The following INPP4B variants were observed in gnomAD, a reference collection of about 807,000 sequenced individuals.
INPP4B encodes the protein inositol polyphosphate-4-phosphatase type II B, also known as inositol polyphosphate 4-phosphatase type II.
Under a neutral mutation model 122.5 loss-of-function variants are expected in INPP4B, and 55 were observed. The observed-to-expected ratio is 0.45, with a 90% CI of 0.36 to 0.56. The LOEUF is 0.56. Among genes scored for constraint, INPP4B ranks in the 20% least tolerant of loss-of-function variants. The pLI, the probability that INPP4B is intolerant of heterozygous loss-of-function variation, is 0.00. For synonymous variants in INPP4B, 403 were observed against 388.7 expected (o/e 1.04, Z -0.43); for missense variants, 1,000 against 1,097.7 (o/e 0.91, Z 1.26).
chr4:142,374,390 CA>C (rs1395784954), intron 7 of INPP4B, among the ~76,000 whole-genome samples: 1 of 151,810 alleles, frequency 6.6e-6, no homozygotes, highest in Non-Finnish European at 1.5e-5. Flanking sequence ...GATTTCTCAG[CA>C]AAGCTTACCC....
At chr4:142,471,723 T>G (rs1173177824) in intron 2 of INPP4B, among the ~76,000 whole-genome samples, 4 of 152,152 alleles carry the variant, frequency 2.6e-5, no homozygotes. Flanking sequence ...TTTGGAGCAG[T>G]GCTCGTGTGT....
intron 1 of INPP4B, among the ~76,000 whole-genome samples, chr4:142,768,627 A>G (rs1365100997): frequency 6.6e-6 from 1 of 152,216 alleles, no homozygotes; most frequent in Non-Finnish European, 1.5e-5. Context: ...ATTCATGTCA[A>G]GTGGTTAAAG....
At chr4:142,559,810 G>A (rs1385037910) in intron 2 of INPP4B, among the ~76,000 whole-genome samples, 1 of 152,058 alleles carries the variant, frequency 6.6e-6, no homozygotes, top group African/African-American at 2.4e-5. Flanking sequence ...ATAATAAGAA[G>A]AGAAAGCCAT....
chr4:142,530,783 A>C (rs1827515482), intron 2 of INPP4B, among the ~76,000 whole-genome samples: 4 of 152,068 alleles, frequency 2.6e-5, no homozygotes, highest in African/African-American at 9.7e-5. Context: ...CATTGAAAAC[A>C]GCAACTGAAG....
At chr4:142,709,057 A>C (rs1403472159) in intron 2 of INPP4B, among the ~76,000 whole-genome samples, 1 of 152,172 alleles carries the variant, frequency 6.6e-6, no homozygotes, top group Non-Finnish European at 1.5e-5. Flanking sequence ...CATGGAGTCA[A>C]ATGAGATTAT....
intron 12 of INPP4B, among the ~76,000 whole-genome samples, chr4:142,217,921 C>T (rs1454953936): frequency 6.6e-6 from 1 of 152,202 alleles, no homozygotes; most frequent in Admixed American, 6.5e-5. Flanking sequence ...CAGACTGACA[C>T]ACTCGACTGG....
At chr4:142,805,740 A>T (rs754726513) in intron 1 of INPP4B, among the ~76,000 whole-genome samples, 6 of 152,214 alleles carry the variant, frequency 3.9e-5, no homozygotes, top group South Asian at 2.1e-4. Flanking sequence ...TTGTAAGAAT[A>T]CAGTGTATAA....
intron 1 of INPP4B, among the ~76,000 whole-genome samples, chr4:142,805,722 T>C (rs1778597402): frequency 6.6e-6 from 1 of 152,220 alleles, no homozygotes; most frequent in African/African-American, 2.4e-5. Flanking sequence ...TTCTTCTAGC[T>C]TAATTTATTG....
chr4:142,218,306 C>T (rs914979016), intron 12 of INPP4B, among the ~76,000 whole-genome samples: 1 of 152,100 alleles, frequency 6.6e-6, no homozygotes, highest in South Asian at 2.1e-4. Context: ...TAGTGATGTT[C>T]GACTTGTCTA....
intron 9 of INPP4B, among the ~76,000 whole-genome samples, chr4:142,301,489 C>T (rs1286127063): frequency 6.6e-6 from 1 of 152,170 alleles, no homozygotes; most frequent in Non-Finnish European, 1.5e-5. Context: ...TCTAATCCCA[C>T]TTGCACAGTC....
At chr4:142,413,853 CT>C (rs1195255411) in intron 5 of INPP4B, among the ~76,000 whole-genome samples, 1 of 152,054 alleles carries the variant, frequency 6.6e-6, no homozygotes, top group African/African-American at 2.4e-5. Context: ...TTCTGCTTGT[CT>C]GGTTGTCTGC....
At chr4:142,416,154 A>T (rs1253753881) in intron 5 of INPP4B, among the ~76,000 whole-genome samples, 1 of 151,936 alleles carries the variant, frequency 6.6e-6, no homozygotes, top group African/African-American at 2.4e-5. Flanking sequence ...AAAGTATAAT[A>T]AAAAAAATAG....
chr4:142,396,499 A>C (rs1191170910), intron 7 of INPP4B, among the ~76,000 whole-genome samples: 3 of 152,188 alleles, frequency 2.0e-5, no homozygotes, highest in African/African-American at 7.2e-5. Flanking sequence ...TCAAATTACT[A>C]GGAGTAGGAG....
At chr4:142,782,728 G>A (rs1306362749) in intron 1 of INPP4B, among the ~76,000 whole-genome samples, 1 of 152,100 alleles carries the variant, frequency 6.6e-6, no homozygotes, top group Non-Finnish European at 1.5e-5. Context: ...TTTCTCTGAT[G>A]GCCAGTGATG....
chr4:142,086,849 C>T (rs1216915013), intron 23 of INPP4B, among the ~76,000 whole-genome samples: 1 of 152,210 alleles, frequency 6.6e-6, no homozygotes, highest in Non-Finnish European at 1.5e-5. Flanking sequence ...AAGATGTTGG[C>T]TTCTGTCTCA....
chr4:142,692,317 A>G (rs1033793658), intron 2 of INPP4B, among the ~76,000 whole-genome samples: 4 of 152,204 alleles, frequency 2.6e-5, no homozygotes, highest in African/African-American at 9.6e-5. Flanking sequence ...GAGAATATTA[A>G]TAGGAAGTAT....
intron 11 of INPP4B, among the ~76,000 whole-genome samples, chr4:142,259,492 G>A (rs1013330697): frequency 1.3e-5 from 2 of 151,236 alleles, no homozygotes; most frequent in African/African-American, 4.8e-5. Flanking sequence ...ACTCTTTCTA[G>A]GTACAGGATT....
At chr4:142,058,783 T>A (rs1353327280) in intron 25 of INPP4B, among the ~76,000 whole-genome samples, 2 of 152,198 alleles carry the variant, frequency 1.3e-5, no homozygotes, top group African/African-American at 4.8e-5. Context: ...GTAAGATGTC[T>A]AGTTCTAATA....
intron 2 of INPP4B, among the ~76,000 whole-genome samples, chr4:142,540,261 T>A (rs976274106): frequency 9.9e-5 from 15 of 151,934 alleles, no homozygotes; most frequent in African/African-American, 3.4e-4. Flanking sequence ...TTCTTTCATT[T>A]ACTGAGGCCA....
Sources: gnomAD v4.1 joint callset for allele counts (sites outside exome capture counted in the v4.1 genomes callset) on GRCh38, gnomAD v4.1.1 for gene constraint, MANE v1.5 for transcripts, NCBI Gene and HGNC (gene_info 2026-07-23, HGNC 2026-07-21) for gene names.